RIT2: variants seen among roughly 807,000 people sequenced by gnomAD.
RIT2 encodes Ras like without CAAX 2.
A neutral mutation model predicts 23.7 loss-of-function variants in RIT2; 24 were observed. The ratio of observed to expected loss-of-function variants is 1.01; its 90% confidence interval spans 0.73 to 1.43. RIT2 has a LOEUF of 1.43. Among genes scored for constraint, RIT2 ranks in the 40% most tolerant of loss-of-function variants. The probability of loss-of-function intolerance (pLI) is 0.00; values close to 1 mark genes in which losing one functional copy is unlikely to be tolerated. For missense variants in RIT2, 236 were observed against 266.9 expected (o/e 0.88, Z 0.81); for synonymous variants, 107 against 91.1 (o/e 1.17, Z -0.99).
chr18:43,089,542 G>A (rs1258723064), intron 1 of RIT2, among the ~76,000 whole-genome samples: 3 of 149,944 alleles, frequency 2.0e-5, no homozygotes, highest in Non-Finnish European at 3.0e-5. Context: ...AATTTACATG[G>A]AACCAATAAG....
At chr18:43,051,971 C>T (rs1912393951) in intron 1 of RIT2, among the ~76,000 whole-genome samples, 1 of 152,074 alleles carries the variant, frequency 6.6e-6, no homozygotes, top group African/African-American at 2.4e-5. Context: ...TATCACAAGC[C>T]TGTACATATC....
At chr18:42,931,134 G>T (rs146603103) in intron 3 of RIT2, among the ~76,000 whole-genome samples, 1,904 of 152,108 alleles carry the variant, frequency 0.013, 25 homozygotes, top group South Asian at 0.038. Context: ...AAGCACTAGG[G>T]ACAGTGCCTG....
intron 1 of RIT2, among the ~76,000 whole-genome samples, chr18:43,102,805 C>A (rs913054232): frequency 2.5e-4 from 38 of 151,908 alleles, no homozygotes; most frequent in African/African-American, 9.2e-4. Context: ...AGGAGTGCAC[C>A]ACCAGAGCCG....
At chr18:42,821,968 G>A (rs1372660655) in intron 4 of RIT2, among the ~76,000 whole-genome samples, 3 of 152,170 alleles carry the variant, frequency 2.0e-5, no homozygotes, top group African/African-American at 7.2e-5. Context: ...TGGGAGGAAG[G>A]AGAGGGAGTT....
intron 4 of RIT2, among the ~76,000 whole-genome samples, chr18:42,805,839 T>C (rs11873156): frequency 0.025 from 3,839 of 152,214 alleles, 162 homozygotes; most frequent in African/African-American, 0.085. Flanking sequence ...GCTCATGCTT[T>C]CCTTTCAATG....
intron 4 of RIT2, among the ~76,000 whole-genome samples, chr18:42,770,727 A>G (rs1373526717): frequency 6.6e-6 from 1 of 152,072 alleles, no homozygotes; most frequent in African/African-American, 2.4e-5. Flanking sequence ...AAATAGCAAA[A>G]TATATTTCAG....
intron 4 of RIT2, among the ~76,000 whole-genome samples, chr18:42,766,786 G>A (rs1294694309): frequency 6.6e-6 from 1 of 152,192 alleles, no homozygotes; most frequent in Non-Finnish European, 1.5e-5. Flanking sequence ...GAGTCACTGT[G>A]TTGTGTGCCT....
intron 4 of RIT2, among the ~76,000 whole-genome samples, chr18:42,869,160 T>C (rs1482150708): frequency 6.6e-6 from 1 of 152,216 alleles, no homozygotes; most frequent in African/African-American, 2.4e-5. Flanking sequence ...GGAAGACAAT[T>C]TTTCTGTGGA....
chr18:42,809,307 T>G (rs1436048967), intron 4 of RIT2, among the ~76,000 whole-genome samples: 1 of 152,066 alleles, frequency 6.6e-6, no homozygotes, highest in African/African-American at 2.4e-5. Context: ...AGATTTAAAT[T>G]CAAGCTTCCT....
intron 4 of RIT2, among the ~76,000 whole-genome samples, chr18:42,755,466 C>G (rs996601327): frequency 6.6e-6 from 1 of 152,164 alleles, no homozygotes; most frequent in African/African-American, 2.4e-5. Flanking sequence ...ACTGAGACAC[C>G]TTGCCTGACT....
intron 3 of RIT2, among the ~76,000 whole-genome samples, chr18:42,965,760 G>C (rs556884160): frequency 1.2e-3 from 57 of 49,524 alleles, no homozygotes; most frequent in Non-Finnish European, 1.8e-3. Context: ...ATTCTTCCAT[G>C]ATTTTACCAA....
At chr18:43,008,179 G>C (rs900665180) in intron 2 of RIT2, among the ~76,000 whole-genome samples, 1 of 151,532 alleles carries the variant, frequency 6.6e-6, no homozygotes, top group African/African-American at 2.4e-5. Context: ...TAACAGTAGA[G>C]AGCAATTAAT....
intron 3 of RIT2, among the ~76,000 whole-genome samples, chr18:42,924,409 G>C (rs913370719): frequency 2.6e-5 from 4 of 151,628 alleles, no homozygotes; most frequent in African/African-American, 4.8e-5. Flanking sequence ...CTGAGGGATG[G>C]ATCAGTTTCT....
intron 4 of RIT2, among the ~76,000 whole-genome samples, chr18:42,830,013 T>G (rs965851295): frequency 6.6e-6 from 1 of 152,052 alleles, no homozygotes; most frequent in African/African-American, 2.4e-5. Context: ...ATGAGATACA[T>G]AGATGAGGAA....
chr18:42,783,086 G>A (rs1205784672), intron 4 of RIT2, among the ~76,000 whole-genome samples: 1 of 152,102 alleles, frequency 6.6e-6, no homozygotes, highest in Non-Finnish European at 1.5e-5. Context: ...ATACTTTTAA[G>A]TCCAACTTAT....
chr18:42,798,766 T>G (rs2143958850), intron 4 of RIT2, among the ~76,000 whole-genome samples: 1 of 152,330 alleles, frequency 6.6e-6, no homozygotes, highest in African/African-American at 2.4e-5. Flanking sequence ...GCCACTGATT[T>G]CCAGACAATT....
At chr18:42,807,651 G>A (rs1247362778) in intron 4 of RIT2, among the ~76,000 whole-genome samples, 3 of 152,018 alleles carry the variant, frequency 2.0e-5, no homozygotes, top group Admixed American at 1.3e-4. Flanking sequence ...ACAAAAAATA[G>A]TATTTGAAAC....
At chr18:42,902,515 T>C (rs1281071756) in intron 4 of RIT2, among the ~76,000 whole-genome samples, 1 of 151,574 alleles carries the variant, frequency 6.6e-6, no homozygotes, top group Non-Finnish European at 1.5e-5. Context: ...ATAATTTACA[T>C]ATATTATTTT....
rs367957242 is a variant in RIT2 at position 43,068,451 on chromosome 18, G to A, written c.104-34584C>T. On this transcript the variant is annotated intron_variant, in intron 1 of 4. Transcript: ENST00000326695. ...GACAATAGCAGAAACCCAGGGAACA[G>A]CAGCAATTTTATATTTTATATTTAT... Among the ~76,000 whole-genome samples the A allele has an allele frequency of 7.2e-5, 11 of 152,220 alleles. No individual in the cohort carries two copies. The East Asian group carries it at 2.1e-3, about 29-fold the overall frequency.
Sources: gnomAD v4.1 joint callset for allele counts (sites outside exome capture counted in the v4.1 genomes callset) on GRCh38, gnomAD v4.1.1 for gene constraint, MANE v1.5 for transcripts, NCBI Gene and HGNC (gene_info 2026-07-23, HGNC 2026-07-21) for gene names.